Variants in HDAC4 observed in about 807,000 individuals in gnomAD.
HDAC4 encodes histone deacetylase 4.
In HDAC4, 16 loss-of-function variants were observed where a neutral mutation model predicts 135.1. The observed-to-expected ratio is 0.12, with a 90% CI of 0.08 to 0.18. The LOEUF (loss-of-function observed/expected upper bound fraction) is 0.18, where lower values mean the gene tolerates loss of function less well. Among genes scored for constraint, HDAC4 ranks in the 10% least tolerant of loss-of-function variants. The pLI is 1.00. For missense variants in HDAC4, 1,143 were observed against 1,511.8 expected, an observed-to-expected ratio of 0.76 and a Z score of 4.05; for synonymous variants, 685 against 653.4, an observed-to-expected ratio of 1.05 and a Z score of -0.74.
At chr2:239,247,343 T>C (rs956044672) in intron 2 of HDAC4, among the ~76,000 whole-genome samples, 1 of 152,136 alleles carries the variant, frequency 6.6e-6, no homozygotes, top group African/African-American at 2.4e-5. Flanking sequence ...GTAGAACCCG[T>C]GTGGGAGGCA....
At chr2:239,120,710 G>A (rs1045538227) in intron 12 of HDAC4, among the ~76,000 whole-genome samples, 6 of 152,022 alleles carry the variant, frequency 3.9e-5, no homozygotes, top group Admixed American at 3.3e-4. Context: ...CCGAAGTGGT[G>A]TGCCTGCCTT....
In HDAC4 at chr2:239,307,108, A is replaced by G. The variant is rs2052633453; in HGVS notation, c.22+45570T>C. Among the ~76,000 whole-genome samples the G allele has an allele frequency of 6.6e-6, 1 of 151,956 alleles. No homozygotes were observed. The highest frequency in any genetic ancestry group is 6.6e-5 in the Admixed American group (1 of 15,260). ...TCGTCCGGATGGCCCATCTCAGGCC[A>G]CACCCTCCAGCTCTGTGCCTGCCGT... On this transcript the variant is annotated intron_variant, in intron 2 of 26. Coordinates refer to ENST00000543185, the MANE Select transcript of HDAC4 (RefSeq NM_001378414.1). The surrounding 1 kb of genome is among the most constrained non-coding windows in gnomAD (Gnocchi z 4.8).
At chr2:239,171,936 G>C (rs1339525473) in intron 5 of HDAC4, among the ~76,000 whole-genome samples, 1 of 152,052 alleles carries the variant, frequency 6.6e-6, no homozygotes, top group African/African-American at 2.4e-5. Flanking sequence ...ATCACATTTT[G>C]AACAGAAAGA....
At chr2:239,391,046 G>A (rs1575801989) in intron 1 of HDAC4, among the ~76,000 whole-genome samples, 4 of 152,318 alleles carry the variant, frequency 2.6e-5, no homozygotes, top group East Asian at 1.9e-4. Context: ...CAGACCGCTC[G>A]AGTCATCCTC....
chr2:239,230,425 C>A (rs1302263499), intron 3 of HDAC4, among the ~76,000 whole-genome samples: 1 of 147,814 alleles, frequency 6.8e-6, no homozygotes, highest in Non-Finnish European at 1.5e-5. Flanking sequence ...GCGGACATGA[C>A]CGTCCTGGCC....
At chr2:239,326,122 A>G (rs2053463074) in intron 2 of HDAC4, among the ~76,000 whole-genome samples, 1 of 152,214 alleles carries the variant, frequency 6.6e-6, no homozygotes, top group South Asian at 2.1e-4. Context: ...GACGGCCCAA[A>G]GGTCCACCAA....
chr2:239,102,713 C>T (rs2037775104), intron 16 of HDAC4, 63 bp downstream of exon 16: 1 of 1,600,146 alleles, frequency 6.2e-7, no homozygotes, highest in East Asian at 2.2e-5. Context: ...GGGTTGAGAG[C>T]TGGAAACACA....
chr2:239,361,600 A>G (rs1693872468), intron 1 of HDAC4, among the ~76,000 whole-genome samples: 3 of 152,214 alleles, frequency 2.0e-5, no homozygotes, highest in Admixed American at 2.0e-4. Flanking sequence ...ACAGCTGAAA[A>G]CTAAATGGAA....
chr2:239,379,388 A>G (rs1261941648), intron 1 of HDAC4, among the ~76,000 whole-genome samples: 1 of 152,134 alleles, frequency 6.6e-6, no homozygotes. Context: ...TCACTGACAG[A>G]CACCAAGACT....
intron 3 of HDAC4, among the ~76,000 whole-genome samples, chr2:239,224,500 T>G (rs1393777846): frequency 6.6e-6 from 1 of 152,116 alleles, no homozygotes; most frequent in East Asian, 2.0e-4. Context: ...TGACCAGGTC[T>G]TCGGCCTGCA....
At chr2:239,162,851 TG>T (rs953716148) in intron 6 of HDAC4, among the ~76,000 whole-genome samples, 3 of 151,906 alleles carry the variant, frequency 2.0e-5, no homozygotes, top group Admixed American at 6.6e-5. Flanking sequence ...GTCTGAGCTG[TG>T]GGGGGGTCTC....
At chr2:239,178,242 T>C (rs1347091522) in intron 4 of HDAC4, among the ~76,000 whole-genome samples, 2 of 152,178 alleles carry the variant, frequency 1.3e-5, no homozygotes, top group Non-Finnish European at 2.9e-5. Flanking sequence ...TCCCCAGTGA[T>C]TGTTCCGTTA....
intron 2 of HDAC4, among the ~76,000 whole-genome samples, chr2:239,278,149 G>A (rs2050493856): frequency 6.7e-6 from 1 of 149,984 alleles, no homozygotes; most frequent in African/African-American, 2.5e-5. Context: ...GCTGGAAAGG[G>A]TTGAGTTTTC....
At chr2:239,067,925 G>A (rs1318541830) in intron 23 of HDAC4, among the ~76,000 whole-genome samples, 2 of 152,174 alleles carry the variant, frequency 1.3e-5, no homozygotes, top group East Asian at 1.9e-4. Flanking sequence ...GGTGGGGGAG[G>A]CGGCCAGGCC....
chr2:239,198,881 C>G (rs1375948033), intron 3 of HDAC4, among the ~76,000 whole-genome samples: 1 of 152,202 alleles, frequency 6.6e-6, no homozygotes, highest in East Asian at 1.9e-4. Context: ...TCCCCACCTT[C>G]TAGATGACAG....
At chr2:239,203,624 G>A (rs1311285150) in intron 3 of HDAC4, among the ~76,000 whole-genome samples, 1 of 152,156 alleles carries the variant, frequency 6.6e-6, no homozygotes, top group Non-Finnish European at 1.5e-5. Context: ...TGTAAAAGGA[G>A]GGTGTGGTGA....
rs377094168 is a variant in HDAC4, at chr2:239,346,145, A to G, written c.22+6533T>C. Among the ~76,000 whole-genome samples, 5 of 149,810 alleles carry G rather than the reference A, an allele frequency of 3.3e-5. No individual in the cohort carries two copies. The East Asian group carries it at 1.0e-3, about 30-fold the overall frequency. ...AAACACACACACCCCCATCTCACAC[A>G]TGCACTCACCCAACACACACTGTCT... is the stretch of plus-strand genomic sequence containing the variant. On this transcript the variant is annotated intron_variant, in intron 2 of 26. Coordinates refer to ENST00000543185, the MANE Select transcript of HDAC4 (RefSeq NM_001378414.1).
chr2:239,253,116 T>TA (rs2048874318), intron 2 of HDAC4, among the ~76,000 whole-genome samples: 1 of 152,228 alleles, frequency 6.6e-6, no homozygotes, highest in African/African-American at 2.4e-5. Flanking sequence ...CCTAAGATAT[T>TA]AGAGTCTCGG....
intron 2 of HDAC4, among the ~76,000 whole-genome samples, chr2:239,316,151 C>T (rs964034294): frequency 6.6e-6 from 1 of 152,218 alleles, no homozygotes; most frequent in South Asian, 2.1e-4. Context: ...ATACACTCCA[C>T]TCCAAAGCCC....
Sources: gnomAD v4.1 joint callset for allele counts (sites outside exome capture counted in the v4.1 genomes callset) on GRCh38, gnomAD v4.1.1 for gene constraint, Gnocchi (gnomAD v3.1) non-coding constraint, MANE v1.5 for transcripts, NCBI Gene and HGNC (gene_info 2026-07-23, HGNC 2026-07-21) for gene names.